GRM3: variants seen among roughly 807,000 people sequenced by gnomAD.
GRM3 encodes glutamate metabotropic receptor 3.
Under a neutral mutation model 70.5 loss-of-function variants are expected in GRM3, and 26 were observed. That is an observed-to-expected ratio of 0.37 (90% CI 0.27 to 0.51). The LOEUF (loss-of-function observed/expected upper bound fraction) is 0.51. Among genes scored for constraint, GRM3 ranks in the 20% least tolerant of loss-of-function variants. The pLI is 0.93. For missense variants in GRM3, 859 were observed against 1,123.8 expected (o/e 0.76, Z 3.37); for synonymous variants, 443 against 434.9 (o/e 1.02, Z -0.23).
intron 2 of GRM3, among the ~76,000 whole-genome samples, chr7:86,771,253 T>C (rs1363603633): frequency 6.6e-6 from 1 of 152,130 alleles, no homozygotes; most frequent in Non-Finnish European, 1.5e-5. Context: ...ATTATAATTA[T>C]ATGTCACTTT....
chr7:86,646,322 T>G (rs1269828519), intron 1 of GRM3, among the ~76,000 whole-genome samples: 1 of 152,122 alleles, frequency 6.6e-6, no homozygotes, highest in African/African-American at 2.4e-5. Context: ...TCACAATGGG[T>G]AGTGTTTTAT....
chr7:86,720,776 T>A (rs1795440997), intron 1 of GRM3, among the ~76,000 whole-genome samples: 1 of 152,086 alleles, frequency 6.6e-6, no homozygotes, highest in Admixed American at 6.6e-5. Flanking sequence ...TTAGAATTTG[T>A]ATGAAAGTGT....
chr7:86,652,259 G>A (rs1244004943), intron 1 of GRM3, among the ~76,000 whole-genome samples: 1 of 151,960 alleles, frequency 6.6e-6, no homozygotes, highest in Non-Finnish European at 1.5e-5. Flanking sequence ...TCCTAAATTT[G>A]TGTTTGTTGC....
intron 3 of GRM3, among the ~76,000 whole-genome samples, chr7:86,825,903 A>T (rs1383077652): frequency 6.6e-6 from 1 of 152,168 alleles, no homozygotes; most frequent in Non-Finnish European, 1.5e-5. Flanking sequence ...AGCTATTTTC[A>T]CACCTTATGT....
At chr7:86,735,440 A>G (rs868537281) in intron 1 of GRM3, among the ~76,000 whole-genome samples, 26 of 152,170 alleles carry the variant, frequency 1.7e-4, no homozygotes, top group Middle Eastern at 3.2e-3. Context: ...CTAATTCTTC[A>G]TTATTAAGTT....
At chr7:86,713,424 T>C (rs937073045) in intron 1 of GRM3, among the ~76,000 whole-genome samples, 1 of 152,052 alleles carries the variant, frequency 6.6e-6, no homozygotes, top group African/African-American at 2.4e-5. Context: ...ACTTTCAACC[T>C]ATGTCTCATG....
At chr7:86,714,687 A>G (rs1291427440) in intron 1 of GRM3, among the ~76,000 whole-genome samples, 1 of 152,066 alleles carries the variant, frequency 6.6e-6, no homozygotes, top group Non-Finnish European at 1.5e-5. Context: ...TTATCTACAT[A>G]GCTAATCCCA....
chr7:86,864,254 G>A, intron 5 of GRM3, 28 bp from the exon 6 acceptor site: 1 of 1,153,250 alleles, frequency 8.7e-7, no homozygotes. Context: ...GACTAACTTT[G>A]AGTTTTCTGT....
At chr7:86,817,402 C>T (rs1043236893) in intron 3 of GRM3, among the ~76,000 whole-genome samples, 4 of 151,818 alleles carry the variant, frequency 2.6e-5, no homozygotes, top group African/African-American at 7.3e-5. Context: ...GGATCAAAGC[C>T]GAGCTACAAT....
chr7:86,704,079 C>T (rs1584179446), intron 1 of GRM3, among the ~76,000 whole-genome samples: 2 of 151,886 alleles, frequency 1.3e-5, no homozygotes. Flanking sequence ...TTATGTATTC[C>T]CTTAGTCTAT....
At chr7:86,717,384 T>C (rs1795342669) in intron 1 of GRM3, among the ~76,000 whole-genome samples, 1 of 151,994 alleles carries the variant, frequency 6.6e-6, no homozygotes, top group Non-Finnish European at 1.5e-5. Context: ...TAATGGCATT[T>C]ACTGCCTACA....
At chr7:86,857,322 G>A (rs1225654786) in intron 5 of GRM3, among the ~76,000 whole-genome samples, 1 of 152,060 alleles carries the variant, frequency 6.6e-6, no homozygotes, top group Non-Finnish European at 1.5e-5. Context: ...ATAAAAGTGA[G>A]AATAAGAGGC....
chr7:86,828,574 AC>A (rs1384477337), intron 3 of GRM3, among the ~76,000 whole-genome samples: 1 of 152,222 alleles, frequency 6.6e-6, no homozygotes, highest in Non-Finnish European at 1.5e-5. Flanking sequence ...TGTATTAAAA[AC>A]AATGTATATA....
chr7:86,664,984 C>T (rs1456335666), intron 1 of GRM3, among the ~76,000 whole-genome samples: 1 of 151,956 alleles, frequency 6.6e-6, no homozygotes, highest in Non-Finnish European at 1.5e-5. Context: ...TTTCTCAATT[C>T]TGAGAAGGAT....
chr7:86,663,411 G>T (rs771022809), intron 1 of GRM3, among the ~76,000 whole-genome samples: 3 of 151,924 alleles, frequency 2.0e-5, no homozygotes, highest in Non-Finnish European at 2.9e-5. Flanking sequence ...AATGTGTTTA[G>T]CATCTTGTAA....
chr7:86,728,659 T>C (rs779519910), intron 1 of GRM3, among the ~76,000 whole-genome samples: 1 of 152,182 alleles, frequency 6.6e-6, no homozygotes, highest in Non-Finnish European at 1.5e-5. Flanking sequence ...CCTACCACTT[T>C]GGAGTACTCA....
chr7:86,864,115 AC>A (rs1485215518), intron 5 of GRM3, among the ~76,000 whole-genome samples, 166 bp from the exon 6 acceptor site: 1 of 148,838 alleles, frequency 6.7e-6, no homozygotes, highest in Non-Finnish European at 1.5e-5. Context: ...ATTTTGGTGC[AC>A]CCATCACCTG....
In GRM3 at chr7:86,786,665, C is replaced by T. The variant is rs747463622; in HGVS notation, c.873C>T (p.Ala291=). 6.2e-7 allele frequency: 1 copy of T among 1,612,064 alleles called. No homozygotes were observed. The highest frequency in any genetic ancestry group is 8.5e-7 in the Non-Finnish European group (1 of 1,179,882). Reference sequence around the variant, plus strand: ...AGCTCATTGCAGCCGCCAGCCGCGCCAATGCCTCCTTCACCTGGGTGGCCA... The same window carrying T: ...AGCTCATTGCAGCCGCCAGCCGCGCTAATGCCTCCTTCACCTGGGTGGCCA... ...SRELIAAASR[A]NASFTWVASD... Residue 291 remains alanine, a synonymous_variant, in exon 3 of 6, where the codon GCC becomes GCT. Coordinates refer to ENST00000361669, the MANE Select transcript of GRM3 (RefSeq NM_000840.3). This position sits in a 1 kb window ranked among gnomAD's most constrained non-coding sequence, Gnocchi z 6.0.
intron 1 of GRM3, among the ~76,000 whole-genome samples, chr7:86,719,888 T>C (rs1469567300): frequency 1.3e-5 from 2 of 152,144 alleles, no homozygotes; most frequent in East Asian, 3.9e-4. Context: ...GAGGTCCTGA[T>C]GTGTGAGGAA....
Sources: allele counts gnomAD v4.1 joint callset (sites outside exome capture counted in the v4.1 genomes callset), GRCh38; gene constraint gnomAD v4.1.1; non-coding constraint Gnocchi (gnomAD v3.1); transcripts MANE v1.5; gene names NCBI Gene and HGNC (gene_info 2026-07-23, HGNC 2026-07-21).